Variants in LINC00632 observed in about 807,000 individuals in gnomAD.
The protein encoded by LINC00632 is ALDOA related specific transcript.
chrX:140,725,711 TAC>T (rs1172478164), intron 2 of LINC00632, among the ~76,000 whole-genome samples: 2 of 111,626 alleles, frequency 1.8e-5, no homozygotes, highest in African/African-American at 6.5e-5. Flanking sequence ...CGCCATGATA[TAC>T]AGACTTGGCC....
chrX:140,729,945 T>C (rs113910325), intron 2 of LINC00632, among the ~76,000 whole-genome samples: 4,634 of 104,666 alleles, frequency 0.044, 324 homozygotes, highest in African/African-American at 0.16. Context: ...GGCACAATCT[T>C]GGCTGACTGC....
At chrX:140,783,291 A>ATCTTCCAGACAATCCATG (rs757163996) in exon 5 of LINC00632, 1 of 315,460 alleles carries the variant, frequency 3.2e-6, no homozygotes, top group African/African-American at 2.7e-5. Context: ...GAAAATCCAC[A>ATCTTCCAGACAATCCATG]TCTTCCAGAC....
chrX:140,784,540 T>C (rs1931989111), exon 5 of LINC00632: 1 of 544,328 alleles, frequency 1.8e-6, no homozygotes, highest in Non-Finnish European at 3.0e-6. Context: ...TCTTCCAGCA[T>C]CTTCATGTCT....
chrX:140,758,964 CTTTT>C (rs146312064), intron 3 of LINC00632, among the ~76,000 whole-genome samples: 2 of 78,939 alleles, frequency 2.5e-5, no homozygotes, highest in Non-Finnish European at 2.4e-5. Flanking sequence ...CTTTTCTTTT[CTTTT>C]TTTTTTTTTT....
intron 2 of LINC00632, among the ~76,000 whole-genome samples, chrX:140,733,023 G>A (rs191785755): frequency 8.9e-6 from 1 of 111,960 alleles, no homozygotes; most frequent in African/African-American, 3.2e-5. Flanking sequence ...TTGGTCTCCC[G>A]AAGTGCTGGG....
intron 3 of LINC00632, among the ~76,000 whole-genome samples, chrX:140,771,596 G>A: frequency 1.0e-5 from 1 of 95,308 alleles, no homozygotes; most frequent in African/African-American, 4.0e-5. Flanking sequence ...CCTTTGCAAG[G>A]GCAATTTGGC....
chrX:140,777,489 T>A (rs773871160), exon 5 of LINC00632, among the ~76,000 whole-genome samples: 1 of 112,395 alleles, frequency 8.9e-6, no homozygotes, highest in South Asian at 3.7e-4. Flanking sequence ...TGACTGTGTA[T>A]CAGAGTAATG....
chrX:140,758,051 A>G (rs1156741912), intron 3 of LINC00632, among the ~76,000 whole-genome samples: 1 of 111,471 alleles, frequency 9.0e-6, no homozygotes, highest in Non-Finnish European at 1.9e-5. Flanking sequence ...ATTTATTTTT[A>G]TGTATTCATG....
exon 5 of LINC00632, among the ~76,000 whole-genome samples, chrX:140,790,924 C>T (rs1192760507): frequency 9.0e-6 from 1 of 111,461 alleles, no homozygotes; most frequent in East Asian, 2.8e-4. Context: ...TTCTTAGATA[C>T]ACAATCATGC....
At chrX:140,742,897 A>AAGG (rs1160873778) in intron 3 of LINC00632, among the ~76,000 whole-genome samples, 1 of 101,597 alleles carries the variant, frequency 9.8e-6, no homozygotes, top group African/African-American at 3.8e-5. Context: ...GGAAGGAAGG[A>AAGG]AAGGAAAGGA....
intron 3 of LINC00632, among the ~76,000 whole-genome samples, chrX:140,736,203 A>G (rs1931140673): frequency 9.0e-6 from 1 of 110,917 alleles, no homozygotes; most frequent in African/African-American, 3.3e-5. Context: ...TTTCTGATAT[A>G]TAATTTTAAA....
intron 2 of LINC00632, chrX:140,714,162 A>C (rs1162378883): frequency 1.8e-5 from 3 of 169,524 alleles, no homozygotes; most frequent in African/African-American, 3.0e-5. Flanking sequence ...TCCCGAGAAT[A>C]GACTCATGAG....
intron 3 of LINC00632, among the ~76,000 whole-genome samples, chrX:140,758,011 G>A (rs181133375): frequency 1.2e-4 from 13 of 111,532 alleles, no homozygotes; most frequent in Non-Finnish European, 1.9e-4. Context: ...ATAAAGAACC[G>A]AGTTTTGAGG....
intron 2 of LINC00632, among the ~76,000 whole-genome samples, chrX:140,730,581 A>G (rs1347021643): frequency 1.8e-5 from 2 of 109,993 alleles, no homozygotes; most frequent in Non-Finnish European, 3.8e-5. Context: ...TTAGACTCAT[A>G]TCATGATGCG....
exon 5 of LINC00632, chrX:140,784,041 G>C (rs868811042): frequency 8.3e-7 from 1 of 1,206,742 alleles, no homozygotes; most frequent in African/African-American, 1.8e-5. Context: ...CAAAAAATCC[G>C]GGTCTTCCAG....
At chrX:140,747,914 G>A (rs1359852213) in intron 3 of LINC00632, among the ~76,000 whole-genome samples, 2 of 111,602 alleles carry the variant, frequency 1.8e-5, no homozygotes, top group East Asian at 5.7e-4. Flanking sequence ...TGCAACCTCC[G>A]CCTCCTGGGT....
At chrX:140,725,190 C>T (rs181967728) in intron 2 of LINC00632, among the ~76,000 whole-genome samples, 1,129 of 70,832 alleles carry the variant, frequency 0.016, 37 homozygotes, top group Admixed American at 0.14. Context: ...ACACACATTC[C>T]ATACACACAC....
intron 3 of LINC00632, among the ~76,000 whole-genome samples, chrX:140,766,560 T>A (rs973179571): frequency 8.9e-6 from 1 of 112,177 alleles, no homozygotes; most frequent in African/African-American, 3.2e-5. Flanking sequence ...ATGAAGAAAG[T>A]TGATTTGTGA....
At chrX:140,713,772 T>C (rs961938247) in intron 2 of LINC00632, 9 of 336,803 alleles carry the variant, frequency 2.7e-5, no homozygotes, top group East Asian at 9.9e-5. Flanking sequence ...GAGGCACGTA[T>C]GTACTGCTTA....
Sources: gnomAD v4.1 joint callset for allele counts (sites outside exome capture counted in the v4.1 genomes callset) on GRCh38, gnomAD v4.1.1 for gene constraint, MANE v1.5 for transcripts, NCBI Gene and HGNC (gene_info 2026-07-23, HGNC 2026-07-21) for gene names.